ZBTB44: variants seen among roughly 807,000 people sequenced by gnomAD.
ZBTB44 encodes zinc finger and BTB domain-containing protein 44.
Under a neutral mutation model 54.0 loss-of-function variants are expected in ZBTB44, and 15 were observed. The observed-to-expected ratio is 0.28, with a 90% confidence interval of 0.19 to 0.43. The LOEUF (loss-of-function observed/expected upper bound fraction) is 0.43. ZBTB44 is among the 20% of genes least tolerant of loss of function. ZBTB44 has a pLI of 1.00. For synonymous variants in ZBTB44, 230 were observed against 250.1 expected (o/e 0.92, Z 0.76); for missense variants, 487 against 707.1 (o/e 0.69, Z 3.53).
rs564129526 is a variant in ZBTB44, at chr11:130,228,792, A to C, written c.*2972T>G. The C allele has an allele frequency of 8.5e-5, 13 of 152,264 alleles. No individual in the cohort carries two copies. Among genetic ancestry groups the C allele is most frequent in the Middle Eastern group, 3.4e-3 (1 of 294 alleles). The allele number at this position is 152,264 out of a possible 1,614,324, so 9.4% of individuals were successfully genotyped here. The stretch of plus-strand genomic sequence containing the variant: ...CTTTTAATAAAAGTCCTGACACTGG[A>C]GCTCCTCCCACCACTAGGCACCAAT... On this transcript the variant is annotated 3_prime_UTR_variant, in exon 8 of 8. Transcript: ENST00000357899.
At chr11:130,277,720 T>G (rs1940209857) in intron 1 of ZBTB44, among the ~76,000 whole-genome samples, 2 of 152,212 alleles carry the variant, frequency 1.3e-5, no homozygotes, top group South Asian at 4.1e-4. Context: ...TATTTTTTTG[T>G]GTGCATTCAA....
intron 1 of ZBTB44, among the ~76,000 whole-genome samples, chr11:130,280,515 C>T (rs1940426392): frequency 6.6e-6 from 1 of 152,190 alleles, no homozygotes; most frequent in African/African-American, 2.4e-5. Flanking sequence ...CTTTAACACT[C>T]CTGTCTCAGC....
intron 1 of ZBTB44, chr11:130,296,837 C>G: frequency 1.3e-6 from 1 of 744,446 alleles, no homozygotes; most frequent in South Asian, 1.4e-5. Flanking sequence ...TGAAACAGAT[C>G]TTTAATGTAA....
chr11:130,308,727 A>G (rs1450065852), intron 1 of ZBTB44, among the ~76,000 whole-genome samples: 2 of 152,148 alleles, frequency 1.3e-5, no homozygotes, highest in African/African-American at 4.8e-5. Context: ...ATCACCTTAT[A>G]TGTTCTAAGA....
rs1953742976 is a variant in ZBTB44 at position 130,227,743 on chromosome 11, A to G, written c.*4021T>C. 1 of 152,222 alleles carries G rather than the reference A, an allele frequency of 6.6e-6. No homozygotes were observed. The highest frequency in any genetic ancestry group is 6.5e-5 in the Admixed American group (1 of 15,280). The allele number at this position is 152,222 out of a possible 1,614,324, so 9.4% of individuals were successfully genotyped here. Reference sequence around the variant, plus strand: ...TGTAGCAGCAAATATGACATTACAGAAAAACAAAATTTTATTTAAAAAATT... The same window carrying G: ...TGTAGCAGCAAATATGACATTACAGGAAAACAAAATTTTATTTAAAAAATT... On this transcript the variant is annotated 3_prime_UTR_variant, in exon 8 of 8. Transcript: ENST00000357899.
chr11:130,256,842 C>T (rs1938480807), intron 2 of ZBTB44, among the ~76,000 whole-genome samples: 1 of 152,072 alleles, frequency 6.6e-6, no homozygotes, highest in South Asian at 2.1e-4. Flanking sequence ...CGGCACAAGA[C>T]AAGGATGCTC....
intron 2 of ZBTB44, among the ~76,000 whole-genome samples, chr11:130,241,814 T>C (rs7948099): frequency 0.042 from 6,377 of 152,302 alleles, 331 homozygotes; most frequent in African/African-American, 0.12. Flanking sequence ...GTGCCTTATG[T>C]TTTTTCTTTA....
chr11:130,311,357 C>CTGGCTGGCT (rs1942590715), intron 1 of ZBTB44, among the ~76,000 whole-genome samples: 2 of 152,052 alleles, frequency 1.3e-5, no homozygotes, highest in Non-Finnish European at 2.9e-5. Flanking sequence ...CACAGGCACA[C>CTGGCTGGCT]ACCACCACGC....
intron 2 of ZBTB44, among the ~76,000 whole-genome samples, chr11:130,257,608 A>G (rs539053276): frequency 1.3e-5 from 2 of 152,190 alleles, no homozygotes; most frequent in Admixed American, 1.3e-4. Flanking sequence ...GGGAACTAAC[A>G]CCTGTCGTTC....
At chr11:130,305,045 T>C (rs1942192430) in intron 1 of ZBTB44, among the ~76,000 whole-genome samples, 1 of 152,156 alleles carries the variant, frequency 6.6e-6, no homozygotes, top group South Asian at 2.1e-4. Flanking sequence ...GGAATATACC[T>C]AACCAAGGAG....
chr11:130,233,983 T>C, intron 6 of ZBTB44, 173 bp downstream of exon 6: 1 of 1,331,514 alleles, frequency 7.5e-7, no homozygotes, highest in South Asian at 1.3e-5. Context: ...TGAAGCCAAA[T>C]CACAAAACTA....
chr11:130,296,883 G>C (rs1941685507), intron 1 of ZBTB44: 1 of 729,874 alleles, frequency 1.4e-6, no homozygotes, highest in Non-Finnish European at 2.5e-6. Context: ...TCTGCCATTT[G>C]ATTTCAAAGT....
At chr11:130,234,988 T>C (rs929271049) in intron 5 of ZBTB44, among the ~76,000 whole-genome samples, 1 of 152,208 alleles carries the variant, frequency 6.6e-6, no homozygotes, top group African/African-American at 2.4e-5. Flanking sequence ...TTCTTCTTCA[T>C]ACTTTTCTGT....
rs527644311 is a variant in ZBTB44 at position 130,245,677 on chromosome 11, G to C, written c.1019-5781C>G. On this transcript the variant is annotated intron_variant, in intron 2 of 7. Transcript: ENST00000357899. ...GCTTCTCACTATCAGGTTGTGAGAA[G>C]GGTAGGCCAAGAAGACTGGCATCGG... Among the ~76,000 whole-genome samples the C allele has an allele frequency of 2.0e-5, 3 of 151,994 alleles. No homozygotes were observed. The South Asian group carries it at 6.2e-4, about 32-fold the overall frequency.
At chr11:130,311,870 T>C (rs1942627098) in intron 1 of ZBTB44, among the ~76,000 whole-genome samples, 1 of 152,126 alleles carries the variant, frequency 6.6e-6, no homozygotes, top group Non-Finnish European at 1.5e-5. Flanking sequence ...AGCAGGGGTG[T>C]CAAGACACAC....
intron 1 of ZBTB44, among the ~76,000 whole-genome samples, chr11:130,306,298 T>G (rs902337622): frequency 6.6e-6 from 1 of 151,520 alleles, no homozygotes; most frequent in African/African-American, 2.4e-5. Flanking sequence ...AGGTCGGGAG[T>G]TCGAGACCAG....
chr11:130,254,309 A>T (rs950826823), intron 2 of ZBTB44, among the ~76,000 whole-genome samples: 1 of 152,228 alleles, frequency 6.6e-6, no homozygotes, highest in Non-Finnish European at 1.5e-5. Context: ...AAATTTTTAC[A>T]ATCTACTCAA....
At chr11:130,295,106 CAAG>C (rs1370792796) in intron 1 of ZBTB44, among the ~76,000 whole-genome samples, 4 of 152,124 alleles carry the variant, frequency 2.6e-5, no homozygotes, top group South Asian at 2.1e-4. Context: ...AACTCCTGCG[CAAG>C]AAGATCAAGA....
intron 1 of ZBTB44, among the ~76,000 whole-genome samples, chr11:130,286,140 G>A (rs1172213682): frequency 6.6e-6 from 1 of 152,116 alleles, no homozygotes; most frequent in African/African-American, 2.4e-5. Context: ...ATCAGACTGA[G>A]ACGAAATCAG....
Sources: allele counts gnomAD v4.1 joint callset (sites outside exome capture counted in the v4.1 genomes callset), GRCh38; gene constraint gnomAD v4.1.1; transcripts MANE v1.5; gene names NCBI Gene and HGNC (gene_info 2026-07-23, HGNC 2026-07-21).